The following MDGA2 variants were observed in gnomAD, a reference collection of about 807,000 sequenced individuals.
The protein encoded by MDGA2 is MAM domain containing glycosylphosphatidylinositol anchor 2.
A neutral mutation model predicts 117.8 loss-of-function variants in MDGA2; 40 were observed. The observed-to-expected ratio is 0.34, with a 90% CI of 0.26 to 0.44. MDGA2 has a LOEUF of 0.44. MDGA2 is among the 20% of genes least tolerant of loss of function. The pLI is 1.00. For synonymous variants in MDGA2, 452 were observed against 439.0 expected, an observed-to-expected ratio of 1.03 and a Z score of -0.37; for missense variants, 1,123 against 1,250.6, an observed-to-expected ratio of 0.90 and a Z score of 1.54.
In MDGA2 at chr14:47,139,847, CAT is replaced by C. The variant is rs938182792; in HGVS notation, c.792+4229_792+4230del. On this transcript the variant is annotated intron_variant, in intron 4 of 16. Transcript: ENST00000399232. ...ATATATACACATATATATATACACA[CAT>C]ATATATACACATATATATATATACA... Among the ~76,000 whole-genome samples the C allele has an allele frequency of 9.8e-5, 14 of 142,698 alleles. No individual in the cohort carries two copies. In the South Asian group the frequency reaches 2.2e-3, roughly 22 times the overall value. The allele number at this position is 142,698 out of a possible 152,430, so 93.6% of individuals were successfully genotyped here. A position where few individuals can be genotyped will look rare whatever the true frequency, so the allele number is the denominator to read the frequency against.
At chr14:47,317,245 C>A (rs1889835657) in intron 1 of MDGA2, among the ~76,000 whole-genome samples, 1 of 152,056 alleles carries the variant, frequency 6.6e-6, no homozygotes, top group Non-Finnish European at 1.5e-5. Context: ...AATAGCTGTA[C>A]AGGTACTCAA....
At position 47,061,411 on chromosome 14, in the gene MDGA2, T is replaced by A; in HGVS notation, c.1363A>T (p.Met455Leu). ...NGRPLRSSER[M>L]VITQTDPDVS... ...TCAGGATCAGTCTGTGTAATGACCA[T>A]CCGCTCAGAACTTCTTAATGGACGA... The change falls in exon 7 of 17, where the codon ATG (methionine) becomes TTG (leucine). Residue 455 changes from methionine (M) to leucine (L), a missense_variant. This residue lies in a region of MDGA2 where 890 missense variants were observed against 1,050.3 expected (regional missense o/e 0.85). Transcript: ENST00000399232. The A allele has an allele frequency of 6.2e-7, 1 of 1,613,668 alleles. No individual in the cohort carries two copies. Among genetic ancestry groups the A allele is most frequent in the Non-Finnish European group, 8.5e-7 (1 of 1,179,680 alleles).
intron 3 of MDGA2, chr14:47,200,505 ATTTTTCTTTTCTTTTTTC>A (rs1364901617): frequency 2.3e-5 from 13 of 557,500 alleles, no homozygotes; most frequent in Admixed American, 7.8e-5. Context: ...CCCTTTTTCT[ATTTTTCTTTTCTTTTTTC>A]TTTTTCTTTT....
intron 2 of MDGA2, among the ~76,000 whole-genome samples, chr14:47,270,480 C>T (rs1428174397): frequency 6.6e-6 from 1 of 152,030 alleles, no homozygotes; most frequent in African/African-American, 2.4e-5. Context: ...AACAGAAGAA[C>T]ATAAAATAAA....
chr14:47,012,415 A>T (rs1021621225), intron 8 of MDGA2, among the ~76,000 whole-genome samples: 1 of 152,146 alleles, frequency 6.6e-6, no homozygotes, highest in African/African-American at 2.4e-5. Context: ...ATTTAGTGTC[A>T]ACTACTGAAC....
intron 1 of MDGA2, among the ~76,000 whole-genome samples, chr14:47,306,553 C>G (rs561540113): frequency 3.3e-5 from 5 of 152,246 alleles, no homozygotes; most frequent in African/African-American, 1.2e-4. Flanking sequence ...CAAGTAAGAG[C>G]CTGGTTTTTT....
intron 2 of MDGA2, among the ~76,000 whole-genome samples, chr14:47,249,906 T>G (rs944057673): frequency 4.6e-5 from 7 of 152,234 alleles, no homozygotes; most frequent in African/African-American, 1.7e-4. Flanking sequence ...ACAATACATC[T>G]GTAACCTGTC....
chr14:47,084,767 T>G (rs184022802), intron 6 of MDGA2, among the ~76,000 whole-genome samples: 2 of 152,240 alleles, frequency 1.3e-5, no homozygotes, highest in East Asian at 3.9e-4. Context: ...CTCTATTCCA[T>G]GTGAGGATAT....
chr14:47,272,141 C>T (rs555473383), intron 2 of MDGA2, among the ~76,000 whole-genome samples: 8 of 151,890 alleles, frequency 5.3e-5, no homozygotes, highest in Non-Finnish European at 4.4e-5. Context: ...TAAGGGAAGA[C>T]GAGGGAAAGG....
chr14:47,215,930 G>A (rs147202276), intron 3 of MDGA2, among the ~76,000 whole-genome samples: 9 of 152,236 alleles, frequency 5.9e-5, no homozygotes, highest in Non-Finnish European at 1.2e-4. Flanking sequence ...CCCAAAGGAA[G>A]TCAAAGAAGA....
At chr14:47,373,746 G>A (rs1047330123) in intron 1 of MDGA2, among the ~76,000 whole-genome samples, 1 of 151,902 alleles carries the variant, frequency 6.6e-6, no homozygotes, top group Admixed American at 6.6e-5. Context: ...ATTAGATTTC[G>A]GTCATAGCTG....
At chr14:47,440,208 C>G (rs960371557) in intron 1 of MDGA2, among the ~76,000 whole-genome samples, 2 of 152,092 alleles carry the variant, frequency 1.3e-5, no homozygotes, top group Non-Finnish European at 2.9e-5. Context: ...TCAGCTGCTG[C>G]AGCCTGCTTT....
intron 8 of MDGA2, among the ~76,000 whole-genome samples, chr14:46,982,738 C>CAAAAAAAAAAAA (rs1566558888): frequency 1.7e-5 from 2 of 120,272 alleles, no homozygotes; most frequent in African/African-American, 6.2e-5. Flanking sequence ...AAAAAAAAAT[C>CAAAAAAAAAAAA]ATGTCATCTG....
intron 3 of MDGA2, among the ~76,000 whole-genome samples, chr14:47,212,215 GATA>G (rs1885910113): frequency 6.6e-6 from 1 of 152,104 alleles, no homozygotes; most frequent in Admixed American, 6.5e-5. Flanking sequence ...TTATATAGGA[GATA>G]ATATGTTTTT....
At chr14:47,573,775 G>C (rs895886765) in intron 1 of MDGA2, among the ~76,000 whole-genome samples, 1 of 152,154 alleles carries the variant, frequency 6.6e-6, no homozygotes, top group African/African-American at 2.4e-5. Context: ...CTGATTGGAA[G>C]AAATGACATG....
intron 1 of MDGA2, among the ~76,000 whole-genome samples, chr14:47,404,190 CT>C (rs34502521): frequency 0.51 from 75,028 of 147,086 alleles, 19,037 homozygotes; most frequent in East Asian, 0.61. Flanking sequence ...TAATACCAAC[CT>C]TTTTTTTTTT....
At chr14:47,287,153 C>A (rs1202469970) in intron 2 of MDGA2, among the ~76,000 whole-genome samples, 2 of 151,866 alleles carry the variant, frequency 1.3e-5, no homozygotes, top group African/African-American at 4.8e-5. Context: ...GAATTTAAAA[C>A]CATGCTGTTT....
intron 1 of MDGA2, among the ~76,000 whole-genome samples, chr14:47,409,507 A>C (rs1196331131): frequency 6.6e-6 from 1 of 152,204 alleles, no homozygotes; most frequent in Non-Finnish European, 1.5e-5. Context: ...CTAGACTGCA[A>C]ATTGAACTCT....
At chr14:47,258,730 C>T (rs955599878) in intron 2 of MDGA2, among the ~76,000 whole-genome samples, 11 of 47,152 alleles carry the variant, frequency 2.3e-4, no homozygotes, top group African/African-American at 1.6e-3. Flanking sequence ...ATGGATGAGG[C>T]TATTTTTTTT....
Sources: gnomAD v4.1 joint callset for allele counts (sites outside exome capture counted in the v4.1 genomes callset) on GRCh38, gnomAD v4.1.1 for gene constraint, gnomAD v4.1.1 regional missense constraint, MANE v1.5 for transcripts, NCBI Gene and HGNC (gene_info 2026-07-23, HGNC 2026-07-21) for gene names.